Variants in CMC1 observed in about 807,000 individuals in gnomAD.
CMC1 encodes the protein C-X9-C motif containing 1.
In CMC1, 14 loss-of-function variants were observed where a neutral mutation model predicts 14.1. The observed-to-expected ratio is 0.99, with a 90% CI of 0.66 to 1.55. The LOEUF (loss-of-function observed/expected upper bound fraction) is 1.55, where lower values mean the gene tolerates loss of function less well. Among genes scored for constraint, CMC1 ranks in the 40% most tolerant of loss-of-function variants. CMC1 has a pLI of 0.00. For missense variants in CMC1, 127 were observed against 123.8 expected, an observed-to-expected ratio of 1.03 and a Z score of -0.12; for synonymous variants, 50 against 38.4, an observed-to-expected ratio of 1.30 and a Z score of -1.12.
chr3:28,276,152 A>G (rs531379832), intron 2 of CMC1, among the ~76,000 whole-genome samples: 8 of 151,868 alleles, frequency 5.3e-5, no homozygotes, highest in Admixed American at 1.3e-4. Context: ...AGATACCTCA[A>G]TTCCCAGTGC....
At chr3:28,277,967 T>C (rs1383693137) in intron 2 of CMC1, among the ~76,000 whole-genome samples, 1 of 112,608 alleles carries the variant, frequency 8.9e-6, no homozygotes, top group African/African-American at 3.3e-5. Flanking sequence ...CAGGGTCTGA[T>C]TTATAATCAG....
intron 1 of CMC1, among the ~76,000 whole-genome samples, chr3:28,246,037 A>C (rs1698809396): frequency 6.6e-6 from 1 of 152,072 alleles, no homozygotes; most frequent in East Asian, 1.9e-4. Context: ...TCCTGGGCTC[A>C]AGTAATCTGC....
At chr3:28,282,261 G>A (rs1200479091) in intron 2 of CMC1, among the ~76,000 whole-genome samples, 1 of 152,218 alleles carries the variant, frequency 6.6e-6, no homozygotes, top group East Asian at 1.9e-4. Flanking sequence ...GTGACAGACA[G>A]CAGTGTAACC....
At chr3:28,296,532 G>A (rs958367928) in intron 2 of CMC1, among the ~76,000 whole-genome samples, 4 of 151,732 alleles carry the variant, frequency 2.6e-5, no homozygotes, top group Non-Finnish European at 5.9e-5. Context: ...AATATTCTTT[G>A]TGGAATTTAA....
At chr3:28,261,599 A>G (rs1441039242) in intron 1 of CMC1, among the ~76,000 whole-genome samples, 1 of 152,204 alleles carries the variant, frequency 6.6e-6, no homozygotes, top group African/African-American at 2.4e-5. Flanking sequence ...AGTTGTGTTT[A>G]AAATGCACAC....
At chr3:28,312,646 A>G (rs945969803) in intron 2 of CMC1, among the ~76,000 whole-genome samples, 1 of 152,174 alleles carries the variant, frequency 6.6e-6, no homozygotes, top group Non-Finnish European at 1.5e-5. Context: ...CACTTCTGTT[A>G]GTTTTATATG....
chr3:28,241,680 T>C lies in CMC1; in HGVS notation c.-114T>C, dbSNP rs1333863086. 3.2e-6 allele frequency: 4 copies of C among 1,235,196 alleles called. No homozygotes were observed. Among genetic ancestry groups the C allele is most frequent in the Non-Finnish European group, 4.0e-6 (4 of 987,834 alleles). 76.5% of individuals were successfully genotyped at this position (1,235,196 alleles called of 1,614,324 possible). A position where few individuals can be genotyped will look rare whatever the true frequency, so the allele number is the denominator to read the frequency against. On this transcript the variant is annotated 5_prime_UTR_variant, in exon 1 of 4. Transcript: ENST00000466830. ...CTTTGCAAAGGGCCCGTGTTTCTGTTGCGGGAAGCTCCCGGGGGTCGCACG... is the reference window on the plus strand; with the variant it reads ...CTTTGCAAAGGGCCCGTGTTTCTGTCGCGGGAAGCTCCCGGGGGTCGCACG...
chr3:28,266,432 G>A (rs1700008540), intron 2 of CMC1, among the ~76,000 whole-genome samples: 1 of 151,746 alleles, frequency 6.6e-6, no homozygotes, highest in African/African-American at 2.4e-5. Flanking sequence ...TTATTTAAAT[G>A]GTGTCAACTC....
chr3:28,261,859 T>C (rs1480802089), intron 1 of CMC1, among the ~76,000 whole-genome samples: 3 of 152,166 alleles, frequency 2.0e-5, no homozygotes, highest in Non-Finnish European at 4.4e-5. Context: ...CCATATAGGT[T>C]CGCATCTCCA....
At chr3:28,249,952 G>A (rs2125427557) in intron 1 of CMC1, among the ~76,000 whole-genome samples, 1 of 152,232 alleles carries the variant, frequency 6.6e-6, no homozygotes, top group Admixed American at 6.5e-5. Flanking sequence ...GGAGGGATGG[G>A]GGAAGAGGAG....
intron 2 of CMC1, among the ~76,000 whole-genome samples, chr3:28,309,909 G>T (rs2063020172): frequency 8.1e-6 from 1 of 123,260 alleles, no homozygotes; most frequent in East Asian, 2.5e-4. Context: ...GTCATACTTG[G>T]TACATGCCTT....
intron 2 of CMC1, among the ~76,000 whole-genome samples, chr3:28,309,390 T>C (rs1237185743): frequency 2.6e-5 from 4 of 151,996 alleles, no homozygotes; most frequent in East Asian, 3.9e-4. Flanking sequence ...TGTAAAACAG[T>C]GCTTTTGTTT....
At chr3:28,312,388 G>T (rs1271419741) in intron 2 of CMC1, among the ~76,000 whole-genome samples, 1 of 152,184 alleles carries the variant, frequency 6.6e-6, no homozygotes, top group African/African-American at 2.4e-5. Context: ...AATTTGATGT[G>T]TTTTAAAATT....
At chr3:28,258,576 C>T (rs1181882679) in intron 1 of CMC1, among the ~76,000 whole-genome samples, 1 of 148,154 alleles carries the variant, frequency 6.7e-6, no homozygotes, top group East Asian at 2.0e-4. Context: ...GGTGCATTTG[C>T]CAATAAATTG....
chr3:28,293,641 G>T (rs1449390155), intron 2 of CMC1, among the ~76,000 whole-genome samples: 1 of 152,102 alleles, frequency 6.6e-6, no homozygotes, highest in Non-Finnish European at 1.5e-5. Flanking sequence ...GGGTGCAGTA[G>T]TGTGCTCTCG....
At chr3:28,311,681 A>G (rs1031576620) in intron 2 of CMC1, among the ~76,000 whole-genome samples, 6 of 152,304 alleles carry the variant, frequency 3.9e-5, no homozygotes, top group Non-Finnish European at 7.4e-5. Flanking sequence ...GGCGTCGTCT[A>G]TAGGGACCTG....
Position 28,319,891 on chromosome 3 carries a change from T to G in CMC1, c.*262T>G, listed in dbSNP as rs937451664. 5.2e-5 allele frequency: 13 copies of G among 250,462 alleles called. No individual in the cohort carries two copies. Among genetic ancestry groups the G allele is most frequent in the Admixed American group, 3.6e-4 (7 of 19,418 alleles). The allele number at this position is 250,462 out of a possible 1,614,324, so 15.5% of individuals were successfully genotyped here. Reference sequence around the variant, plus strand: ...ATAGTTCTATAACAGTGATACTGATTTTTTAGAGTTCAATATGGTCCTTAT... The same window carrying G: ...ATAGTTCTATAACAGTGATACTGATGTTTTAGAGTTCAATATGGTCCTTAT... On this transcript the variant is annotated 3_prime_UTR_variant, in exon 4 of 4. Transcript: ENST00000466830.
Position 28,294,109 on chromosome 3 carries a change from G to A in CMC1, c.110-22224G>A, listed in dbSNP as rs1701623697. Among the ~76,000 whole-genome samples, 4 of 152,146 alleles carry A rather than the reference G, an allele frequency of 2.6e-5. No homozygotes were observed. In the South Asian group the frequency reaches 8.3e-4, roughly 32 times the overall value. ...ATGGCCTTTAACATATTAATGTCTG[G>A]TTATGTAGAAAGTGCTGTAACAGGA... On this transcript the variant is annotated intron_variant, in intron 2 of 3. Transcript: ENST00000466830.
At chr3:28,308,987 A>AAAT (rs1702479251) in intron 2 of CMC1, among the ~76,000 whole-genome samples, 1 of 54,630 alleles carries the variant, frequency 1.8e-5, no homozygotes, top group African/African-American at 4.9e-5. Context: ...GTCTCAAAAA[A>AAAT]AAATAAATAA....
Sources: allele counts gnomAD v4.1 joint callset (sites outside exome capture counted in the v4.1 genomes callset), GRCh38; gene constraint gnomAD v4.1.1; transcripts MANE v1.5; gene names NCBI Gene and HGNC (gene_info 2026-07-23, HGNC 2026-07-21).